Variants in GPR137 observed in about 807,000 individuals in gnomAD.
The protein encoded by GPR137 is integral membrane protein GPR137.
Under a neutral mutation model 38.9 loss-of-function variants are expected in GPR137, and 20 were observed. The ratio of observed to expected loss-of-function variants is 0.51; its 90% CI spans 0.36 to 0.75. The LOEUF is 0.75. Ranked by LOEUF, GPR137 falls within the 30% of genes least tolerant of loss-of-function variation. The pLI, the probability that GPR137 is intolerant of heterozygous loss-of-function variation, is 0.00. For synonymous variants in GPR137, 226 were observed against 235.8 expected (o/e 0.96, Z 0.38); for missense variants, 456 against 526.4 (o/e 0.87, Z 1.31).
At position 64,289,212 on chromosome 11, in the gene GPR137, C is replaced by G. The variant is rs746374868; in HGVS notation, c.*16C>G. ...ACAGACGTGATCCCCCTCCCTCCCC[C>G]ACAGAATACCCAGGCCCCAGTCCCC... On this transcript the variant is annotated 3_prime_UTR_variant, in exon 7 of 7. Transcript: ENST00000438980. 8 of 1,610,654 alleles carry G rather than the reference C, an allele frequency of 5.0e-6. No individual in the cohort carries two copies. The East Asian group carries it at 8.9e-5, about 18-fold the overall frequency.
chr11:64,287,161 C>T (rs1184441050), intron 2 of GPR137, 147 bp downstream of exon 2: 22 of 1,462,748 alleles, frequency 1.5e-5, no homozygotes, highest in South Asian at 2.8e-5. Context: ...AAGCACCTGG[C>T]GCAGATGGCT....
chr11:64,287,044 C>T (rs1311112801), intron 2 of GPR137, 30 bp downstream of exon 2: 2 of 1,608,558 alleles, frequency 1.2e-6, no homozygotes, highest in Non-Finnish European at 1.7e-6. Context: ...GTGGGCTCAG[C>T]CTCCAGGTCA....
chr11:64,281,580 G>C (rs912969266), upstream of GPR137, among the ~76,000 whole-genome samples: 20 of 152,196 alleles, frequency 1.3e-4, 1 homozygote, highest in Admixed American at 9.8e-4. Context: ...TGTTGCCCTC[G>C]AGGCCTTACC....
upstream of GPR137, among the ~76,000 whole-genome samples, chr11:64,280,165 A>C (rs2033353657): frequency 6.7e-6 from 1 of 149,992 alleles, no homozygotes; most frequent in African/African-American, 2.5e-5. Context: ...AAAACACACA[A>C]AAAAATTAGC....
rs1591200022 is a variant in GPR137, at chr11:64,286,384, T to G, written c.-141T>G. The G allele has an allele frequency of 4.9e-6, 7 of 1,430,188 alleles. No homozygotes were observed. The South Asian group carries it at 6.1e-5, about 12-fold the overall frequency. 88.6% of individuals were successfully genotyped at this position (1,430,188 alleles called of 1,614,324 possible). ...GTCTCTCTGTTGAGGAGGAGGGGCC[T>G]GTCAGCCACAACTTCTTTCCTCCTG... On this transcript the variant is annotated 5_prime_UTR_variant, in exon 1 of 7. Coordinates refer to ENST00000438980, the MANE Select transcript of GPR137 (RefSeq NM_001170880.2).
chr11:64,287,491 G>C lies in GPR137; in HGVS notation c.408-230G>C, dbSNP rs568542118. 5.0e-6 allele frequency: 3 copies of C among 599,098 alleles called. No homozygotes were observed. In the African/African-American group the frequency reaches 6.0e-5, roughly 12 times the overall value. The allele number at this position is 599,098 out of a possible 1,614,324, so 37.1% of individuals were successfully genotyped here. ...GCAGGATCAAGGTCGCAGAGCTGGG[G>C]CTCAGACAGAGACTTCTGACTCCAG... is the stretch of plus-strand genomic sequence containing the variant. On this transcript the variant is annotated intron_variant, in intron 2 of 6. Transcript: ENST00000438980.
upstream of GPR137, chr11:64,284,908 G>A (rs552223505): frequency 2.1e-6 from 3 of 1,426,866 alleles, no homozygotes; most frequent in African/African-American, 2.9e-5. Context: ...GTGGGAGCAG[G>A]AGAGGGATTC....
upstream of GPR137, chr11:64,271,723 G>GCTC (rs1290645610): frequency 6.8e-7 from 1 of 1,459,878 alleles, no homozygotes; most frequent in African/African-American, 1.5e-5. Flanking sequence ...AAGGGGCTGG[G>GCTC]CTCCTCCCCC....
Position 64,286,544 on chromosome 11 carries a change from G to T in GPR137, c.20G>T (p.Gly7Val). 1 of 1,612,376 alleles carries T rather than the reference G, an allele frequency of 6.2e-7. No individual in the cohort carries two copies. Among genetic ancestry groups the T allele is most frequent in the Non-Finnish European group, 8.5e-7 (1 of 1,179,026 alleles). Residue 7 changes from glycine to valine, a missense_variant, in exon 1 of 7, where the codon GGC becomes GTC. By Grantham distance (109) the Gly-to-Val change is moderately radical. Transcript: ENST00000438980. MESNLS[G>V]LVPAAGLVPA... ...CCTGACATGGAGAGTAACCTGTCTGGCCTGGTGCCTGCTGCCGGGCTGGTG... is the reference window on the plus strand; with the variant it reads ...CCTGACATGGAGAGTAACCTGTCTGTCCTGGTGCCTGCTGCCGGGCTGGTG...
At chr11:64,273,336 G>A (rs148570641), upstream of GPR137, among the ~76,000 whole-genome samples, 2,898 of 152,284 alleles carry the variant, frequency 0.019, 59 homozygotes, top group Non-Finnish European at 0.026. Context: ...TTGTGCCACT[G>A]CACTCCAGCC....
Position 64,288,129 on chromosome 11 carries a change from C to T in GPR137, c.698C>T (p.Ala233Val). 6.2e-7 allele frequency: 1 copy of T among 1,612,810 alleles called. No individual in the cohort carries two copies. Reference sequence around the variant, plus strand: ...ATGGTCCTGCTCTATGCCAGCCGGGCCTGCTACAACCTGACAGCACTGGCC... The same window carrying T: ...ATGGTCCTGCTCTATGCCAGCCGGGTCTGCTACAACCTGACAGCACTGGCC... ...GAMVLLYASR[A>V]CYNLTALALA... The change falls in exon 4 of 7, where the codon GCC becomes GTC. Residue 233 changes from alanine (A) to valine (V), a missense_variant. Coordinates refer to ENST00000438980, the MANE Select transcript of GPR137 (RefSeq NM_001170880.2). This position sits in a 1 kb window ranked among gnomAD's most constrained non-coding sequence, Gnocchi z 5.5.
At chr11:64,279,198 T>C (rs1360964831) in intron 2 of GPR137, among the ~76,000 whole-genome samples, 1 of 152,108 alleles carries the variant, frequency 6.6e-6, no homozygotes, top group Non-Finnish European at 1.5e-5. Flanking sequence ...CTTGTCACCA[T>C]CAAATAACTC....
intron 2 of GPR137, among the ~76,000 whole-genome samples, chr11:64,278,432 CTAA>C (rs1258996205): frequency 6.6e-6 from 1 of 150,436 alleles, no homozygotes; most frequent in East Asian, 1.9e-4. Context: ...AATGGCAGTT[CTAA>C]TAATAAGAGC....
chr11:64,286,292 A>G lies in GPR137; in HGVS notation c.-233A>G. ...ATCCGGTCTGTCCTGGAGAAAAGAG[A>G]CTGCCCTTCCATGCCCCTGAGTGAG... is the stretch of plus-strand genomic sequence containing the variant. On this transcript the variant is annotated 5_prime_UTR_variant, in exon 1 of 7. Coordinates refer to ENST00000438980, the MANE Select transcript of GPR137 (RefSeq NM_001170880.2). 7.2e-7 allele frequency: 1 copy of G among 1,392,958 alleles called. No individual in the cohort carries two copies. The highest frequency in any genetic ancestry group is 9.3e-7 in the Non-Finnish European group (1 of 1,078,438). The allele number at this position is 1,392,958 out of a possible 1,614,324, so 86.3% of individuals were successfully genotyped here.
chr11:64,278,456 T>C, intron 2 of GPR137, among the ~76,000 whole-genome samples: 1 of 151,580 alleles, frequency 6.6e-6, no homozygotes. Flanking sequence ...CGCAAACACT[T>C]AGCCCCTCCT....
chr11:64,286,150 C>T lies in GPR137; in HGVS notation c.-375C>T. 9.7e-7 allele frequency: 1 copy of T among 1,032,378 alleles called. No homozygotes were observed. The allele number at this position is 1,032,378 out of a possible 1,614,324, so 64.0% of individuals were successfully genotyped here. On this transcript the variant is annotated 5_prime_UTR_variant, in exon 1 of 7. Coordinates refer to ENST00000438980, the MANE Select transcript of GPR137 (RefSeq NM_001170880.2). The stretch of plus-strand genomic sequence containing the variant: ...GACCCGACGGGTATCAGCCGGCTCT[C>T]CCCCTCCACCCAGGACGACATGAAC...
chr11:64,276,588 A>G (rs2033084256), intron 2 of GPR137, among the ~76,000 whole-genome samples: 1 of 152,200 alleles, frequency 6.6e-6, no homozygotes, highest in South Asian at 2.1e-4. Context: ...CGGCCCCCCA[A>G]AGTGCTGGGA....
chr11:64,276,879 A>G, intron 2 of GPR137: 1 of 751,666 alleles, frequency 1.3e-6, no homozygotes, highest in Non-Finnish European at 2.5e-6. Context: ...TGTGGCTAGA[A>G]GTGCCCCAGG....
At chr11:64,285,474 G>A (rs2033858700), upstream of GPR137, 3 of 984,756 alleles carry the variant, frequency 3.0e-6, no homozygotes, top group Middle Eastern at 5.2e-4. Context: ...GGGCCCGGGG[G>A]CCATCTTGGC....
Sources: gnomAD v4.1 joint callset for allele counts (sites outside exome capture counted in the v4.1 genomes callset) on GRCh38, gnomAD v4.1.1 for gene constraint, Gnocchi (gnomAD v3.1) non-coding constraint, MANE v1.5 for transcripts, NCBI Gene and HGNC (gene_info 2026-07-23, HGNC 2026-07-21) for gene names.